The following PRKCZ variants were observed in gnomAD, a reference collection of about 807,000 sequenced individuals.
The protein encoded by PRKCZ is protein kinase C zeta.
A neutral mutation model predicts 79.5 loss-of-function variants in PRKCZ; 33 were observed. The ratio of observed to expected loss-of-function variants is 0.41; its 90% confidence interval spans 0.31 to 0.55. The LOEUF (loss-of-function observed/expected upper bound fraction) is 0.55, where lower values mean the gene tolerates loss of function less well. Ranked by LOEUF, PRKCZ falls within the 20% of genes least tolerant of loss-of-function variation. The pLI is 0.19. For missense variants in PRKCZ, 578 were observed against 813.5 expected (o/e 0.71, Z 3.52); for synonymous variants, 342 against 320.9 (o/e 1.07, Z -0.70).
intron 16 of PRKCZ, among the ~76,000 whole-genome samples, chr1:2,181,454 G>A (rs533928613): frequency 1.2e-4 from 19 of 152,342 alleles, no homozygotes; most frequent in Non-Finnish European, 1.8e-4. Context: ...TGGGGCCAGC[G>A]TGCATTCAAA....
chr1:2,059,591 A>C lies in PRKCZ; in HGVS notation c.334A>C (p.Lys112Gln). 6.2e-7 allele frequency: 1 copy of C among 1,614,162 alleles called. No individual in the cohort carries two copies. The highest frequency in any genetic ancestry group is 8.5e-7 in the Non-Finnish European group (1 of 1,179,964). Residue 112 changes from lysine to glutamine, a missense_variant and splice_region_variant, in exon 4 of 18, where the codon AAA becomes CAA. Physicochemically the swap from Lys to Gln is moderately conservative, Grantham distance 53 (BLOSUM62 1). Around this residue, in one of 4 missense-constraint regions of PRKCZ, gnomAD observed 228 missense variants for 211.6 expected, o/e 1.08. Transcript: ENST00000378567. ...TGGCCTGCCATGTCCGGGAGAAGAC[A>C]GTGAGTACTGGGGTTTCCTACGCCG... ...QPGLPCPGED[K>Q]SIYRRGARRW...
intron 3 of PRKCZ, among the ~76,000 whole-genome samples, chr1:2,057,860 A>G (rs1277236694): frequency 1.4e-5 from 2 of 144,352 alleles, no homozygotes; most frequent in African/African-American, 5.1e-5. Flanking sequence ...ATGTGCCACC[A>G]CACTTGGCTA....
intron 4 of PRKCZ, among the ~76,000 whole-genome samples, chr1:2,090,580 G>A (rs552783582): frequency 1.6e-4 from 24 of 152,358 alleles, no homozygotes; most frequent in Admixed American, 1.0e-3. Context: ...CCCTGGGCTG[G>A]TTTTGAAGAA....
At chr1:2,181,838 C>G (rs757553993) in intron 16 of PRKCZ, 1 of 456,068 alleles carries the variant, frequency 2.2e-6, no homozygotes, top group Non-Finnish European at 4.4e-6. Flanking sequence ...GCAGGTGTTT[C>G]ATACAAAGAA....
At chr1:2,118,473 G>T (rs573809080) in intron 4 of PRKCZ, among the ~76,000 whole-genome samples, 6 of 151,890 alleles carry the variant, frequency 4.0e-5, no homozygotes, top group Non-Finnish European at 7.4e-5. Flanking sequence ...GAGTAGCTGG[G>T]ACTACAGGTG....
chr1:2,053,111 C>T (rs1659838078), intron 1 of PRKCZ, among the ~76,000 whole-genome samples: 1 of 143,624 alleles, frequency 7.0e-6, no homozygotes, highest in South Asian at 2.5e-4. Flanking sequence ...TCTTTCAGCT[C>T]AGACTTTTTT....
intron 4 of PRKCZ, among the ~76,000 whole-genome samples, chr1:2,095,787 G>T (rs1288677869): frequency 1.6e-5 from 2 of 122,768 alleles, no homozygotes; most frequent in Non-Finnish European, 3.3e-5. Context: ...TCCCTCCTCT[G>T]CCCTCTGCTC....
chr1:2,063,946 A>C (rs1382118772), intron 4 of PRKCZ, among the ~76,000 whole-genome samples: 1 of 151,692 alleles, frequency 6.6e-6, no homozygotes, highest in Non-Finnish European at 1.5e-5. Context: ...CCCAGATTCA[A>C]ATGATTCTCC....
Position 2,128,761 on chromosome 1 carries a change from C to A in PRKCZ, c.335-6501C>A, listed in dbSNP as rs1050607288. On this transcript the variant is annotated intron_variant, in intron 4 of 17. Transcript: ENST00000378567. This position sits in a 1 kb window ranked among gnomAD's most constrained non-coding sequence, Gnocchi z 6.5. ...TGCACCGTCCACTGTGCGCTGTCCA[C>A]TGCAGGAGACCCCAGGCTGTGTCCA... Among the ~76,000 whole-genome samples, 1 of 152,196 alleles carries A rather than the reference C, an allele frequency of 6.6e-6. No individual in the cohort carries two copies. Among genetic ancestry groups the A allele is most frequent in the African/African-American group, 2.4e-5 (1 of 41,454 alleles).
At chr1:2,151,694 C>T (rs560378972) in intron 9 of PRKCZ, among the ~76,000 whole-genome samples, 9 of 152,156 alleles carry the variant, frequency 5.9e-5, no homozygotes, top group Admixed American at 1.3e-4. Context: ...AACGGTCTTA[C>T]TCTGTCACCC....
At chr1:2,118,916 C>T (rs992408553) in intron 4 of PRKCZ, among the ~76,000 whole-genome samples, 27 of 152,016 alleles carry the variant, frequency 1.8e-4, no homozygotes, top group Admixed American at 1.0e-3. Context: ...AAGATTTAGT[C>T]CGTTTACATT....
In PRKCZ at chr1:2,125,384, C is replaced by A. The variant is rs1050021248; in HGVS notation, c.335-9878C>A. Among the ~76,000 whole-genome samples, 2 of 152,236 alleles carry A rather than the reference C, an allele frequency of 1.3e-5. No individual in the cohort carries two copies. The highest frequency in any genetic ancestry group is 2.9e-5 in the Non-Finnish European group (2 of 68,036). ...CAGTAGAACTGATTGTAAGGCCAGA[C>A]TGTTGGAATGTAATTCCTTCCCAAA... is the stretch of plus-strand genomic sequence containing the variant. On this transcript the variant is annotated intron_variant, in intron 4 of 17. Coordinates refer to ENST00000378567, the MANE Select transcript of PRKCZ (RefSeq NM_002744.6). The surrounding 1 kb of genome is among the most constrained non-coding windows in gnomAD (Gnocchi z 4.2).
At chr1:2,117,105 A>G (rs1038582546) in intron 4 of PRKCZ, among the ~76,000 whole-genome samples, 2 of 151,918 alleles carry the variant, frequency 1.3e-5, no homozygotes, top group East Asian at 1.9e-4. Context: ...GTGCACCACC[A>G]TGCCCAGCTA....
intron 11 of PRKCZ, chr1:2,171,421 A>G (rs1449860454): frequency 1.4e-5 from 2 of 145,710 alleles, no homozygotes; most frequent in Non-Finnish European, 3.0e-5. Context: ...GCTGGAATGC[A>G]GTGGTGGGAT....
At chr1:2,180,163 C>T (rs117495732) in intron 16 of PRKCZ, among the ~76,000 whole-genome samples, 2 of 152,344 alleles carry the variant, frequency 1.3e-5, no homozygotes, top group East Asian at 3.9e-4. Context: ...CAGCAGTGCC[C>T]TGGCCTGGCC....
intron 9 of PRKCZ, among the ~76,000 whole-genome samples, chr1:2,154,135 G>T (rs1441831626): frequency 6.6e-6 from 1 of 152,232 alleles, no homozygotes; most frequent in African/African-American, 2.4e-5. Flanking sequence ...TGGGGGACGG[G>T]TGGTGGCAGG....
chr1:2,119,193 A>G (rs1671349468), intron 4 of PRKCZ, among the ~76,000 whole-genome samples: 1 of 149,398 alleles, frequency 6.7e-6, no homozygotes, highest in African/African-American at 2.4e-5. Flanking sequence ...ACCTTATAAC[A>G]GTTTAATTCT....
intron 4 of PRKCZ, among the ~76,000 whole-genome samples, chr1:2,114,346 AAAGG>A (rs1364764690): frequency 6.6e-6 from 1 of 152,260 alleles, no homozygotes; most frequent in African/African-American, 2.4e-5. Flanking sequence ...GTTGGACAAA[AAAGG>A]AATATGGTGG....
chr1:2,138,638 TA>T (rs140039460), intron 5 of PRKCZ, among the ~76,000 whole-genome samples: 2 of 151,296 alleles, frequency 1.3e-5, no homozygotes, highest in African/African-American at 2.4e-5. Context: ...GGATTGAGGT[TA>T]AAAAAAAATC....
Sources: gnomAD v4.1 joint callset for allele counts (sites outside exome capture counted in the v4.1 genomes callset) on GRCh38, gnomAD v4.1.1 for gene constraint, gnomAD v4.1.1 regional missense constraint, Gnocchi (gnomAD v3.1) non-coding constraint, MANE v1.5 for transcripts, NCBI Gene and HGNC (gene_info 2026-07-23, HGNC 2026-07-21) for gene names.